Variants in ANKRD55 observed in about 807,000 individuals in gnomAD.
The protein encoded by ANKRD55 is ankyrin repeat domain 55, also known as ankyrin repeat domain-containing protein 55.
In ANKRD55, 41 loss-of-function variants were observed where a neutral mutation model predicts 60.6. The ratio of observed to expected loss-of-function variants is 0.68; its 90% CI spans 0.53 to 0.88. The LOEUF is 0.88. ANKRD55 is among the 40% of genes least tolerant of loss of function. The pLI, the probability that ANKRD55 is intolerant of heterozygous loss-of-function variation, is 0.00. For synonymous variants in ANKRD55, 264 were observed against 290.3 expected, an observed-to-expected ratio of 0.91 and a Z score of 0.92; for missense variants, 732 against 767.6, an observed-to-expected ratio of 0.95 and a Z score of 0.55.
intron 6 of ANKRD55, 66 bp from the exon 7 acceptor site, chr5:56,143,995 C>T: frequency 6.2e-7 from 1 of 1,605,546 alleles, no homozygotes; most frequent in Non-Finnish European, 8.5e-7. Flanking sequence ...CTGGAGCTCA[C>T]ACTTTCTCCT....
At chr5:56,223,535 T>G (rs1474766100) in intron 2 of ANKRD55, among the ~76,000 whole-genome samples, 1 of 152,140 alleles carries the variant, frequency 6.6e-6, no homozygotes, top group South Asian at 2.1e-4. Flanking sequence ...GGCTAAATGC[T>G]CCAATTAAAA....
chr5:56,102,377 C>T, intron 11 of ANKRD55, 117 bp downstream of exon 11: 1 of 675,150 alleles, frequency 1.5e-6, no homozygotes, highest in Non-Finnish European at 2.3e-6. Flanking sequence ...GGCGACAGCG[C>T]AAGACTCCAT....
At position 56,137,421 on chromosome 5, in the gene ANKRD55, A is replaced by T. The variant is rs976113715; in HGVS notation, c.612+6380T>A. The stretch of plus-strand genomic sequence containing the variant: ...GAGCTCTCCCTGCCACACTGAGATG[A>T]TCCTTACTGAAAAGGAACAAAATGT... On this transcript the variant is annotated intron_variant, in intron 7 of 11. Transcript: ENST00000341048. 5.8e-6 allele frequency: 5 copies of T among 866,750 alleles called. No individual in the cohort carries two copies. The Admixed American group carries it at 8.5e-5, about 15-fold the overall frequency. The allele number at this position is 866,750 out of a possible 1,614,324, so 53.7% of individuals were successfully genotyped here.
At chr5:56,202,652 G>A (rs930334888) in intron 2 of ANKRD55, among the ~76,000 whole-genome samples, 3 of 152,206 alleles carry the variant, frequency 2.0e-5, no homozygotes, top group Non-Finnish European at 2.9e-5. Context: ...TACCGTGGGA[G>A]TGGAAAAGAA....
intron 6 of ANKRD55, among the ~76,000 whole-genome samples, chr5:56,158,725 ACT>A (rs776352354): frequency 6.6e-6 from 1 of 152,142 alleles, no homozygotes; most frequent in Non-Finnish European, 1.5e-5. Flanking sequence ...ACAGGATGTC[ACT>A]CTGTCACCCA....
chr5:56,109,676 C>T (rs547314547), intron 10 of ANKRD55, among the ~76,000 whole-genome samples: 99 of 151,768 alleles, frequency 6.5e-4, no homozygotes, highest in African/African-American at 2.0e-3. Context: ...TTCTTTAGTG[C>T]GATAAATTTA....
rs1466774038 is a variant in ANKRD55 at position 56,115,905 on chromosome 5, A to G, written c.965+710T>C. Among the ~76,000 whole-genome samples the G allele has an allele frequency of 5.3e-5, 8 of 152,130 alleles. No individual in the cohort carries two copies. In the South Asian group the frequency reaches 1.7e-3, roughly 32 times the overall value. On this transcript the variant is annotated intron_variant, in intron 9 of 11. Coordinates refer to ENST00000341048, the MANE Select transcript of ANKRD55 (RefSeq NM_024669.3). Reference sequence around the variant, plus strand: ...AGTCTCACTCTGTCACCCAGGCTGGAGTGCAATGGAGTGATCTCGGGTCAC... The same window carrying G: ...AGTCTCACTCTGTCACCCAGGCTGGGGTGCAATGGAGTGATCTCGGGTCAC...
At chr5:56,194,577 A>G (rs1759187984) in intron 2 of ANKRD55, among the ~76,000 whole-genome samples, 1 of 152,142 alleles carries the variant, frequency 6.6e-6, no homozygotes, top group Non-Finnish European at 1.5e-5. Flanking sequence ...GGCCTTGACT[A>G]TATTATATAT....
At chr5:56,199,419 G>A (rs1405619201) in intron 2 of ANKRD55, among the ~76,000 whole-genome samples, 1 of 152,082 alleles carries the variant, frequency 6.6e-6, no homozygotes, top group Non-Finnish European at 1.5e-5. Flanking sequence ...ATTATTTAAG[G>A]TAATGGTGTT....
chr5:56,181,121 CG>C (rs1758841212), intron 3 of ANKRD55, among the ~76,000 whole-genome samples: 1 of 152,118 alleles, frequency 6.6e-6, no homozygotes, highest in African/African-American at 2.4e-5. Flanking sequence ...TGCTTGAACC[CG>C]GGAGGTGGAG....
chr5:56,110,082 T>C (rs1756631754), intron 10 of ANKRD55, among the ~76,000 whole-genome samples: 1 of 148,924 alleles, frequency 6.7e-6, no homozygotes, highest in South Asian at 2.1e-4. Flanking sequence ...TATATCTATC[T>C]ATCATCTATC....
chr5:56,131,665 G>A (rs1427978379), intron 7 of ANKRD55, among the ~76,000 whole-genome samples: 1 of 151,512 alleles, frequency 6.6e-6, no homozygotes, highest in African/African-American at 2.4e-5. Flanking sequence ...GTGTGGTGGT[G>A]CGTGCCTGTG....
At chr5:56,219,463 C>A (rs1475952505) in intron 2 of ANKRD55, among the ~76,000 whole-genome samples, 1 of 152,118 alleles carries the variant, frequency 6.6e-6, no homozygotes, top group East Asian at 1.9e-4. Flanking sequence ...TGAGCAAGTG[C>A]CCTTCTTAGG....
chr5:56,227,809 A>G (rs1760157244), intron 2 of ANKRD55, among the ~76,000 whole-genome samples: 1 of 152,122 alleles, frequency 6.6e-6, no homozygotes, highest in African/African-American at 2.4e-5. Context: ...TGTGAAGCTG[A>G]TATGAGGATT....
intron 6 of ANKRD55, among the ~76,000 whole-genome samples, chr5:56,144,289 C>T (rs1757845164): frequency 6.6e-6 from 1 of 151,990 alleles, no homozygotes; most frequent in Non-Finnish European, 1.5e-5. Flanking sequence ...GAGAGAGTAA[C>T]CAAGGGTGGA....
At chr5:56,194,259 T>A (rs766069995) in intron 2 of ANKRD55, among the ~76,000 whole-genome samples, 2 of 145,644 alleles carry the variant, frequency 1.4e-5, no homozygotes, top group Non-Finnish European at 3.0e-5. Context: ...GAGCTTGCAG[T>A]GAGCCGAGAT....
chr5:56,149,725 A>T (rs1042255191), intron 6 of ANKRD55, among the ~76,000 whole-genome samples: 26 of 152,142 alleles, frequency 1.7e-4, no homozygotes, highest in African/African-American at 6.3e-4. Flanking sequence ...TGCTCAAAAT[A>T]CTTTTGGGAG....
At chr5:56,105,582 T>G (rs1283781813) in intron 10 of ANKRD55, among the ~76,000 whole-genome samples, 4 of 152,170 alleles carry the variant, frequency 2.6e-5, no homozygotes, top group African/African-American at 9.7e-5. Context: ...GGTATGAAAT[T>G]GTCAAGAAAC....
chr5:56,193,050 CA>C lies in ANKRD55; in HGVS notation c.59-9417del. The stretch of plus-strand genomic sequence containing the variant: ...GAAGATGCTGATTGGTTTTTGAAAG[CA>C]GATGATGACACATATTTCATACTAG... On this transcript the variant is annotated intron_variant, in intron 2 of 11. Transcript: ENST00000341048. 11 of 925,474 alleles carry C rather than the reference CA, an allele frequency of 1.2e-5. 1 individual carries two copies. In the South Asian group the frequency reaches 1.3e-4, roughly 11 times the overall value. The allele number at this position is 925,474 out of a possible 1,614,324, so 57.3% of individuals were successfully genotyped here.
Sources: allele counts gnomAD v4.1 joint callset (sites outside exome capture counted in the v4.1 genomes callset), GRCh38; gene constraint gnomAD v4.1.1; transcripts MANE v1.5; gene names NCBI Gene and HGNC (gene_info 2026-07-23, HGNC 2026-07-21).